FMNL2: variants seen among roughly 807,000 people sequenced by gnomAD.
The protein encoded by FMNL2 is formin-like protein 2.
A neutral mutation model predicts 130.2 loss-of-function variants in FMNL2; 51 were observed. That is an observed-to-expected ratio of 0.39 (90% CI 0.31 to 0.49). The LOEUF (loss-of-function observed/expected upper bound fraction) is 0.49, where lower values mean the gene tolerates loss of function less well. Ranked by LOEUF, FMNL2 falls within the 20% of genes least tolerant of loss-of-function variation. The pLI is 0.85. For missense variants in FMNL2, 977 were observed against 1,316.2 expected, an observed-to-expected ratio of 0.74 and a Z score of 3.99; for synonymous variants, 465 against 467.1, an observed-to-expected ratio of 1.00 and a Z score of 0.06.
chr2:152,494,188 G>C (rs926552467), intron 1 of FMNL2, among the ~76,000 whole-genome samples: 1 of 152,210 alleles, frequency 6.6e-6, no homozygotes, highest in African/African-American at 2.4e-5. Context: ...CCAGAGGAAG[G>C]GAGACTATCT....
chr2:152,581,093 C>T, intron 9 of FMNL2, 44 bp downstream of exon 9: 1 of 1,522,246 alleles, frequency 6.6e-7, no homozygotes, highest in Non-Finnish European at 9.1e-7. Context: ...ACACATCTTA[C>T]ATTTGGACAT....
chr2:152,478,420 T>TA (rs1690289693), intron 1 of FMNL2, among the ~76,000 whole-genome samples: 1 of 151,850 alleles, frequency 6.6e-6, no homozygotes, highest in Non-Finnish European at 1.5e-5. Flanking sequence ...GTATTTTTAG[T>TA]AGAGACGGGG....
rs546819321 is a variant in FMNL2, at chr2:152,373,228, G to A, written c.117+37508G>A. On this transcript the variant is annotated intron_variant, in intron 1 of 25. Coordinates refer to ENST00000288670, the MANE Select transcript of FMNL2 (RefSeq NM_052905.4). ...CTATTCAAGGTTAATTCTTTAACTTGAGATTTTAAGAATCAGTTTTTTAAA... is the reference window on the plus strand; with the variant it reads ...CTATTCAAGGTTAATTCTTTAACTTAAGATTTTAAGAATCAGTTTTTTAAA... Among the ~76,000 whole-genome samples the A allele has an allele frequency of 5.3e-5, 8 of 152,290 alleles. No individual in the cohort carries two copies. The East Asian group carries it at 1.3e-3, about 26-fold the overall frequency.
In FMNL2 at chr2:152,623,199, G is replaced by A. The variant is rs559688916; in HGVS notation, c.1838-2239G>A. Among the ~76,000 whole-genome samples, 9 of 152,302 alleles carry A rather than the reference G, an allele frequency of 5.9e-5. No homozygotes were observed. In the South Asian group the frequency reaches 8.3e-4, roughly 14 times the overall value. ...CATGTCTGTGGGAGGAAGGTAGGAC[G>A]CCATTGGCACCAACCTGTCACCTCA... On this transcript the variant is annotated intron_variant, in intron 15 of 25. Coordinates refer to ENST00000288670, the MANE Select transcript of FMNL2 (RefSeq NM_052905.4).
intron 9 of FMNL2, among the ~76,000 whole-genome samples, chr2:152,582,546 C>T (rs1437110838): frequency 1.3e-5 from 2 of 151,896 alleles, no homozygotes; most frequent in South Asian, 2.1e-4. Flanking sequence ...TATCCAGCTT[C>T]CAAGAGAATG....
chr2:152,421,416 G>A (rs1271811145), intron 1 of FMNL2, among the ~76,000 whole-genome samples: 4 of 152,162 alleles, frequency 2.6e-5, no homozygotes. Context: ...CAACCGTGTT[G>A]GGACAACAAA....
At chr2:152,493,439 G>A (rs1354779649) in intron 1 of FMNL2, among the ~76,000 whole-genome samples, 1 of 152,188 alleles carries the variant, frequency 6.6e-6, no homozygotes, top group African/African-American at 2.4e-5. Flanking sequence ...GTTAATATGA[G>A]CGGTGTTGTA....
At chr2:152,452,799 G>T (rs1346167032) in intron 1 of FMNL2, among the ~76,000 whole-genome samples, 1 of 152,072 alleles carries the variant, frequency 6.6e-6, no homozygotes, top group Non-Finnish European at 1.5e-5. Context: ...GAGGGCTGTC[G>T]TACCAGGTGA....
chr2:152,584,297 A>G (rs1696946449), intron 9 of FMNL2, among the ~76,000 whole-genome samples: 1 of 152,158 alleles, frequency 6.6e-6, no homozygotes, highest in African/African-American at 2.4e-5. Context: ...TGGCAGAGAG[A>G]GTACCATACC....
chr2:152,558,603 G>C (rs1695353534), intron 4 of FMNL2, 137 bp from the exon 5 acceptor site: 2 of 715,182 alleles, frequency 2.8e-6, no homozygotes, highest in Non-Finnish European at 4.7e-6. Flanking sequence ...ATGTGAAGTA[G>C]TCTAGGCCTT....
chr2:152,357,621 G>A (rs1423273804), intron 1 of FMNL2, among the ~76,000 whole-genome samples: 1 of 143,532 alleles, frequency 7.0e-6, no homozygotes, highest in Non-Finnish European at 1.5e-5. Flanking sequence ...AATGTATAAC[G>A]ATAAATATTA....
At chr2:152,492,028 G>A (rs1691237160) in intron 1 of FMNL2, among the ~76,000 whole-genome samples, 2 of 152,182 alleles carry the variant, frequency 1.3e-5, no homozygotes, top group Admixed American at 6.5e-5. Context: ...AATCATTTAT[G>A]TACTATGAAA....
intron 1 of FMNL2, among the ~76,000 whole-genome samples, chr2:152,415,002 T>A (rs1686526403): frequency 2.0e-5 from 3 of 152,120 alleles, no homozygotes; most frequent in African/African-American, 7.2e-5. Context: ...GAGTTCCTCT[T>A]GGACTTATCA....
At chr2:152,639,668 A>G (rs547930405) in intron 23 of FMNL2, among the ~76,000 whole-genome samples, 82 of 152,304 alleles carry the variant, frequency 5.4e-4, no homozygotes, top group African/African-American at 1.8e-3. Context: ...CCAGGATGGT[A>G]GGTGCCCACC....
chr2:152,478,895 T>C (rs1690318546), intron 1 of FMNL2, among the ~76,000 whole-genome samples: 1 of 152,154 alleles, frequency 6.6e-6, no homozygotes, highest in Admixed American at 6.5e-5. Flanking sequence ...AATAAGTATA[T>C]TAAAACTACA....
chr2:152,387,579 G>A (rs1479201370), intron 1 of FMNL2, among the ~76,000 whole-genome samples: 1 of 152,206 alleles, frequency 6.6e-6, no homozygotes, highest in Admixed American at 6.5e-5. Flanking sequence ...GCATTCAGTA[G>A]CTGAGGTTCA....
intron 1 of FMNL2, among the ~76,000 whole-genome samples, chr2:152,512,636 A>T (rs538906582): frequency 1.3e-5 from 2 of 152,326 alleles, no homozygotes; most frequent in South Asian, 2.1e-4. Flanking sequence ...TTTAAAAAGG[A>T]TGGCAACAGT....
intron 3 of FMNL2, 85 bp from the exon 4 acceptor site, chr2:152,548,936 A>C: frequency 9.7e-7 from 1 of 1,028,568 alleles, no homozygotes; most frequent in Non-Finnish European, 1.4e-6. Flanking sequence ...GATATTTTTC[A>C]TATTGTGTTA....
chr2:152,481,378 T>G (rs766737239), intron 1 of FMNL2, among the ~76,000 whole-genome samples: 1 of 152,250 alleles, frequency 6.6e-6, no homozygotes, highest in African/African-American at 2.4e-5. Flanking sequence ...TTCATTCAAA[T>G]AATTAACTTG....
Sources: allele counts gnomAD v4.1 joint callset (sites outside exome capture counted in the v4.1 genomes callset), GRCh38; gene constraint gnomAD v4.1.1; transcripts MANE v1.5; gene names NCBI Gene and HGNC (gene_info 2026-07-23, HGNC 2026-07-21).